SUCLG2: variants seen among roughly 807,000 people sequenced by gnomAD.
SUCLG2 encodes succinate-CoA ligase GDP-forming subunit beta.
A neutral mutation model predicts 47.9 loss-of-function variants in SUCLG2; 42 were observed. That is an observed-to-expected ratio of 0.88 (90% CI 0.69 to 1.14). The LOEUF (loss-of-function observed/expected upper bound fraction) is 1.14. Ranked by LOEUF, SUCLG2 falls within the 50% of genes most tolerant of loss-of-function variation. SUCLG2 has a pLI of 0.00. For synonymous variants in SUCLG2, 195 were observed against 197.3 expected, an observed-to-expected ratio of 0.99 and a Z score of 0.10; for missense variants, 571 against 525.9, an observed-to-expected ratio of 1.09 and a Z score of -0.84.
At chr3:67,516,768 G>C (rs1326850235) in intron 6 of SUCLG2, among the ~76,000 whole-genome samples, 1 of 152,182 alleles carries the variant, frequency 6.6e-6, no homozygotes, top group Non-Finnish European at 1.5e-5. Context: ...GAAATATACA[G>C]ATGTCCAAAG....
At chr3:67,487,331 A>C (rs1705079771) in intron 9 of SUCLG2, among the ~76,000 whole-genome samples, 1 of 152,160 alleles carries the variant, frequency 6.6e-6, no homozygotes, top group Non-Finnish European at 1.5e-5. Flanking sequence ...AACATGCATG[A>C]GGTGATCTCA....
At position 67,408,676 on chromosome 3, in the gene SUCLG2, C is replaced by T. The variant is rs373312397; in HGVS notation, c.1063-7825G>A. ...TCTTCTTCCTAAATTCTTCACTTTACTTATATTCTATAATTTACTCCTTGG... is the reference window on the plus strand; with the variant it reads ...TCTTCTTCCTAAATTCTTCACTTTATTTATATTCTATAATTTACTCCTTGG... On this transcript the variant is annotated intron_variant, in intron 9 of 10. Transcript: ENST00000307227. The T allele has an allele frequency of 5.9e-4, 673 of 1,137,338 alleles. 2 individuals carry two copies. The African/African-American group carries it at 0.01, about 17-fold the overall frequency. The allele number at this position is 1,137,338 out of a possible 1,614,324, so 70.5% of individuals were successfully genotyped here.
intron 10 of SUCLG2, among the ~76,000 whole-genome samples, chr3:67,365,923 C>T (rs1448092134): frequency 6.6e-6 from 1 of 152,108 alleles, no homozygotes; most frequent in Non-Finnish European, 1.5e-5. Context: ...AATCAATCCC[C>T]TTAAAGGTGA....
intron 2 of SUCLG2, among the ~76,000 whole-genome samples, chr3:67,571,336 T>C (rs1430051469): frequency 6.6e-6 from 1 of 152,148 alleles, no homozygotes; most frequent in Non-Finnish European, 1.5e-5. Flanking sequence ...CAAAGAATTA[T>C]CTGACCTAAA....
At chr3:67,555,827 G>C (rs1226268402) in intron 2 of SUCLG2, among the ~76,000 whole-genome samples, 1 of 152,206 alleles carries the variant, frequency 6.6e-6, no homozygotes, top group African/African-American at 2.4e-5. Flanking sequence ...CAAGGACCAT[G>C]ATATTGGCAT....
intron 2 of SUCLG2, among the ~76,000 whole-genome samples, chr3:67,534,800 ATGCCC>A (rs1365220016): frequency 1.4e-5 from 2 of 138,370 alleles, no homozygotes; most frequent in Non-Finnish European, 3.1e-5. Context: ...AAAAAAAAAA[ATGCCC>A]ATGTGACATC....
Position 67,654,515 on chromosome 3 carries a change from C to T in SUCLG2, c.72G>A (p.Ala24=). 2 of 1,244,862 alleles carry T rather than the reference C, an allele frequency of 1.6e-6. No homozygotes were observed. Among genetic ancestry groups the T allele is most frequent in the Non-Finnish European group, 2.0e-6 (2 of 993,028 alleles). 77.1% of individuals were successfully genotyped at this position (1,244,862 alleles called of 1,614,324 possible). Residue 24 remains alanine (A), a synonymous_variant, in exon 1 of 11, where the codon GCG becomes GCA. Transcript: ENST00000307227. The stretch of plus-strand genomic sequence containing the variant: ...CCCCCACGCTCACCTGGGACCCGGC[C>T]GCCAGGAAGCGGGGCCGCAGCGCTA... The part of the protein sequence containing the change: ...RALALRPRFL[A]AGSQAVQLTS...
chr3:67,642,657 T>C (rs1363148942), intron 1 of SUCLG2, among the ~76,000 whole-genome samples: 2 of 152,148 alleles, frequency 1.3e-5, no homozygotes, highest in African/African-American at 4.8e-5. Flanking sequence ...TAGCAATGGC[T>C]ATAATAATGC....
intron 2 of SUCLG2, among the ~76,000 whole-genome samples, chr3:67,564,426 T>C (rs1365362269): frequency 6.6e-6 from 1 of 152,204 alleles, no homozygotes; most frequent in Non-Finnish European, 1.5e-5. Flanking sequence ...AGGAAATATG[T>C]CAGCATGGCA....
At position 67,590,839 on chromosome 3, in the gene SUCLG2, C is replaced by T. The variant is rs141744459; in HGVS notation, c.226+18616G>A. On this transcript the variant is annotated intron_variant, in intron 2 of 10. Transcript: ENST00000307227. ...TTAAGTACTCTTTACATTTCTTCTC[C>T]ATTCTACAAAGTTTCACATCTTTCC... 2.2e-4 allele frequency among the ~76,000 whole-genome samples: 33 copies of T among 152,244 alleles called. No homozygotes were observed. The Middle Eastern group carries it at 0.01, about 47-fold the overall frequency.
intron 1 of SUCLG2, among the ~76,000 whole-genome samples, chr3:67,650,551 G>A (rs926258757): frequency 2.3e-4 from 35 of 152,196 alleles, no homozygotes; most frequent in Non-Finnish European, 2.8e-4. Context: ...GAGGTCAGGA[G>A]TTTGAGACAA....
rs1704186733 is a variant in SUCLG2, at chr3:67,456,383, A to G, written c.1062+39415T>C. ...ATAGGTCCCTCTATGGAGAAAATCA[A>G]TGCTCCTCAAATGTAACTGAAAAAC... On this transcript the variant is annotated intron_variant, in intron 9 of 10. Coordinates refer to ENST00000307227, the MANE Select transcript of SUCLG2 (RefSeq NM_003848.4). Among the ~76,000 whole-genome samples, 6 of 152,350 alleles carry G rather than the reference A, an allele frequency of 3.9e-5. No homozygotes were observed. The South Asian group carries it at 1.0e-3, about 26-fold the overall frequency.
Position 67,654,491 on chromosome 3 carries a change from C to T in SUCLG2, c.84+12G>A. The stretch of plus-strand genomic sequence containing the variant: ...CGCTGCTGGCGCCCGCAGCTCCTGC[C>T]CCCACGCTCACCTGGGACCCGGCCG... On this transcript the variant is annotated intron_variant, in intron 1 of 10. Transcript: ENST00000307227. 1 of 1,235,286 alleles carries T rather than the reference C, an allele frequency of 8.1e-7. No individual in the cohort carries two copies. The highest frequency in any genetic ancestry group is 1.0e-6 in the Non-Finnish European group (1 of 988,758). 76.5% of individuals were successfully genotyped at this position (1,235,286 alleles called of 1,614,324 possible).
At chr3:67,463,402 T>TG (rs1355281425) in intron 9 of SUCLG2, among the ~76,000 whole-genome samples, 1 of 152,196 alleles carries the variant, frequency 6.6e-6, no homozygotes, top group Non-Finnish European at 1.5e-5. Context: ...CCTGGTGCCT[T>TG]GGAAGTGTTA....
At chr3:67,414,152 T>C (rs1282032165) in intron 9 of SUCLG2, among the ~76,000 whole-genome samples, 1 of 152,180 alleles carries the variant, frequency 6.6e-6, no homozygotes, top group Non-Finnish European at 1.5e-5. Context: ...TGAGGGCATC[T>C]CCCATTTTTT....
chr3:67,393,643 CCTGT>C (rs1702448451), intron 10 of SUCLG2, among the ~76,000 whole-genome samples: 2 of 152,182 alleles, frequency 1.3e-5, no homozygotes, highest in South Asian at 4.1e-4. Flanking sequence ...CTTTAATGTC[CCTGT>C]CTGACAGCTT....
intron 9 of SUCLG2, among the ~76,000 whole-genome samples, chr3:67,452,144 A>T (rs1384745064): frequency 6.6e-6 from 1 of 152,200 alleles, no homozygotes. Flanking sequence ...ACAAATAAAA[A>T]ACAAAAACTC....
intron 1 of SUCLG2, among the ~76,000 whole-genome samples, chr3:67,631,262 G>C (rs1452684421): frequency 6.6e-6 from 1 of 152,190 alleles, no homozygotes; most frequent in Non-Finnish European, 1.5e-5. Flanking sequence ...CACAGGAAAA[G>C]ATGACCCTCT....
At chr3:67,564,348 T>C (rs1707396875) in intron 2 of SUCLG2, among the ~76,000 whole-genome samples, 1 of 151,872 alleles carries the variant, frequency 6.6e-6, no homozygotes, top group Non-Finnish European at 1.5e-5. Flanking sequence ...CTCACTCTGA[T>C]CTTTACCTCA....
Sources: allele counts gnomAD v4.1 joint callset (sites outside exome capture counted in the v4.1 genomes callset), GRCh38; gene constraint gnomAD v4.1.1; transcripts MANE v1.5; gene names NCBI Gene and HGNC (gene_info 2026-07-23, HGNC 2026-07-21).